CD302: variants seen among roughly 807,000 people sequenced by gnomAD.
CD302 encodes CD302 antigen.
Under a neutral mutation model 26.5 loss-of-function variants are expected in CD302, and 23 were observed. That is an observed-to-expected ratio of 0.87 (90% CI 0.62 to 1.23). The LOEUF (loss-of-function observed/expected upper bound fraction) is 1.23. Ranked by LOEUF, CD302 falls within the 50% of genes most tolerant of loss-of-function variation. The pLI is 0.00. For synonymous variants in CD302, 90 were observed against 99.4 expected (o/e 0.91, Z 0.56); for missense variants, 290 against 275.5 (o/e 1.05, Z -0.37).
rs1338380687 is a variant in CD302 at position 159,769,689 on chromosome 2, TTGAAAAA to T, written c.*2155_*2161del. 4 of 152,110 alleles carry T rather than the reference TTGAAAAA, an allele frequency of 2.6e-5. No individual in the cohort carries two copies. Among genetic ancestry groups the T allele is most frequent in the African/African-American group, 9.7e-5 (4 of 41,412 alleles). The allele number at this position is 152,110 out of a possible 1,614,324, so 9.4% of individuals were successfully genotyped here. A position where few individuals can be genotyped will look rare whatever the true frequency, so the allele number is the denominator to read the frequency against. ...TCATTACCAGAGGCCTCTTGGCCTG[TTGAAAAA>T]TGAAACCAAATATTGAAAATTAAAT... On this transcript the variant is annotated 3_prime_UTR_variant, in exon 6 of 6. Transcript: ENST00000259053.
intron 1 of CD302, among the ~76,000 whole-genome samples, chr2:159,795,010 G>A (rs2125817722): frequency 6.6e-6 from 1 of 151,500 alleles, no homozygotes; most frequent in Middle Eastern, 3.4e-3. Flanking sequence ...AGATCACGAG[G>A]CCAGGAGTTT....
intron 1 of CD302, among the ~76,000 whole-genome samples, chr2:159,796,938 G>A (rs531435549): frequency 6.6e-6 from 1 of 152,316 alleles, no homozygotes; most frequent in Non-Finnish European, 1.5e-5. Flanking sequence ...GTGTGCAGAA[G>A]GAGGGTTCAG....
intron 1 of CD302, among the ~76,000 whole-genome samples, chr2:159,795,141 T>G (rs1310541931): frequency 6.6e-6 from 1 of 151,488 alleles, no homozygotes; most frequent in Non-Finnish European, 1.5e-5. Flanking sequence ...GAGAATTGCT[T>G]GAACCCAGAA....
At chr2:159,772,678 G>A (rs888737952) in intron 5 of CD302, among the ~76,000 whole-genome samples, 2 of 152,112 alleles carry the variant, frequency 1.3e-5, no homozygotes, top group African/African-American at 4.8e-5. Context: ...ATACTTTTGG[G>A]CAGGTACTTG....
At chr2:159,780,340 A>C (rs1708470148) in intron 3 of CD302, among the ~76,000 whole-genome samples, 162 bp from the exon 4 acceptor site, 1 of 152,232 alleles carries the variant, frequency 6.6e-6, no homozygotes, top group South Asian at 2.1e-4. Flanking sequence ...TGTACAGCCA[A>C]ATCATCAAAA....
At chr2:159,796,075 C>A (rs77399435) in intron 1 of CD302, among the ~76,000 whole-genome samples, 1 of 152,334 alleles carries the variant, frequency 6.6e-6, no homozygotes, top group East Asian at 1.9e-4. Context: ...AGGTTAAGAT[C>A]ACTTCACTAA....
At chr2:159,781,131 A>C (rs1309102532) in intron 2 of CD302, 133 bp from the exon 3 acceptor site, 1 of 696,070 alleles carries the variant, frequency 1.4e-6, no homozygotes, top group African/African-American at 1.8e-5. Context: ...TTGATCTTAC[A>C]GTTCATACAA....
At position 159,771,674 on chromosome 2, in the gene CD302, C is replaced by A; in HGVS notation, c.*177G>T. 1.4e-6 allele frequency: 1 copy of A among 705,406 alleles called. No individual in the cohort carries two copies. 43.7% of individuals were successfully genotyped at this position (705,406 alleles called of 1,614,324 possible). On this transcript the variant is annotated 3_prime_UTR_variant, in exon 6 of 6. Coordinates refer to ENST00000259053, the MANE Select transcript of CD302 (RefSeq NM_014880.5). ...TTAGATCTAAGATCATTTCTAAAAC[C>A]TGTTTTTTTAATGAACCTAAAGACT...
At chr2:159,781,044 A>T in intron 2 of CD302, 46 bp from the exon 3 acceptor site, 1 of 1,482,254 alleles carries the variant, frequency 6.7e-7, no homozygotes. Flanking sequence ...TTCCAGAATC[A>T]GTGAAAATCA....
chr2:159,776,002 C>T (rs1273099363), intron 5 of CD302, among the ~76,000 whole-genome samples: 3 of 36,050 alleles, frequency 8.3e-5, no homozygotes, highest in East Asian at 1.4e-3. Context: ...CCTCTGCCTC[C>T]GGGTTTCAAC....
chr2:159,791,881 G>C (rs1708816417), intron 1 of CD302, among the ~76,000 whole-genome samples: 1 of 152,158 alleles, frequency 6.6e-6, no homozygotes, highest in Admixed American at 6.5e-5. Context: ...TGCCCTCCTG[G>C]AAATTTATGT....
Position 159,770,440 on chromosome 2 carries a change from C to G in CD302, c.*1411G>C, listed in dbSNP as rs1266758243. On this transcript the variant is annotated 3_prime_UTR_variant, in exon 6 of 6. Transcript: ENST00000259053. ...TTAATTGTGATGAGTGTTTTCGATT[C>G]ATGTGGTCAATAAAAAGAGACTACA... The G allele has an allele frequency of 6.6e-6, 1 of 152,002 alleles. No homozygotes were observed. The highest frequency in any genetic ancestry group is 2.4e-5 in the African/African-American group (1 of 41,346). 9.4% of individuals were successfully genotyped at this position (152,002 alleles called of 1,614,324 possible). A position where few individuals can be genotyped will look rare whatever the true frequency, so the allele number is the denominator to read the frequency against.
At chr2:159,775,294 CATAT>C (rs922064139) in intron 5 of CD302, among the ~76,000 whole-genome samples, 2 of 152,346 alleles carry the variant, frequency 1.3e-5, no homozygotes, top group African/African-American at 4.8e-5. Context: ...TTTACATGCA[CATAT>C]ATACATGCAT....
chr2:159,771,862 G>T lies in CD302; in HGVS notation c.688C>A (p.Gln230Lys), dbSNP rs780509519. 1 of 1,613,700 alleles carries T rather than the reference G, an allele frequency of 6.2e-7. No homozygotes were observed. Among genetic ancestry groups the T allele is most frequent in the Non-Finnish European group, 8.5e-7 (1 of 1,179,774 alleles). The change falls in exon 6 of 6, where the codon CAA becomes AAA. Residue 230 changes from glutamine to lysine, a missense_variant. Physicochemically the swap from Gln to Lys is moderately conservative, Grantham distance 53. Coordinates refer to ENST00000259053, the MANE Select transcript of CD302 (RefSeq NM_014880.5). ...VVGEENEYPV[Q>K]FD The stretch of plus-strand genomic sequence containing the variant: ...AGATTACCAAAAACTTAGTCAAATT[G>T]AACAGGATATTCATTTTCTTCTCCA...
At chr2:159,792,452 GTGTGTGTGTGTGTGTC>G (rs1364170852) in intron 1 of CD302, among the ~76,000 whole-genome samples, 1 of 111,812 alleles carries the variant, frequency 8.9e-6, no homozygotes, top group Non-Finnish European at 2.2e-5. Context: ...GTGTGTGTGT[GTGTGTGTGTGTGTGTC>G]TGAAAAGATA....
At position 159,769,009 on chromosome 2, in the gene CD302, C is replaced by T. The variant is rs1708045705; in HGVS notation, c.*2842G>A. The T allele has an allele frequency of 6.6e-6, 1 of 152,076 alleles. No homozygotes were observed. 9.4% of individuals were successfully genotyped at this position (152,076 alleles called of 1,614,324 possible). ...CAGTATTCTTGTAGTTCCCTAGTAC[C>T]ACTTAGTATTTAAATATTGTCATAT... On this transcript the variant is annotated 3_prime_UTR_variant, in exon 6 of 6. Coordinates refer to ENST00000259053, the MANE Select transcript of CD302 (RefSeq NM_014880.5).
intron 2 of CD302, among the ~76,000 whole-genome samples, chr2:159,782,517 G>A (rs1356889654): frequency 1.3e-5 from 2 of 150,428 alleles, no homozygotes; most frequent in Non-Finnish European, 3.0e-5. Context: ...AGGATCACTT[G>A]AGGCCAAGAG....
Position 159,783,468 on chromosome 2 carries a change from G to A in CD302, c.69C>T (p.Asp23=), listed in dbSNP as rs759864860. The part of the protein sequence containing the change: ...LLGLAAAAVA[D]CPSSTWIQFQ... The stretch of plus-strand genomic sequence containing the variant: ...ACTGAATCCAAGTAGATGAAGGACA[G>A]TCTATGTAGAAAAAAGAAGAACACT... Residue 23 remains aspartate (D), a splice_region_variant and synonymous_variant, in exon 2 of 6, where the codon GAC becomes GAT. Transcript: ENST00000259053. The A allele has an allele frequency of 6.3e-7, 1 of 1,583,642 alleles. No homozygotes were observed. Among genetic ancestry groups the A allele is most frequent in the Non-Finnish European group, 8.5e-7 (1 of 1,170,796 alleles).
At chr2:159,785,839 C>G (rs1708650662) in intron 1 of CD302, among the ~76,000 whole-genome samples, 1 of 152,184 alleles carries the variant, frequency 6.6e-6, no homozygotes, top group African/African-American at 2.4e-5. Context: ...TTGCATGTAA[C>G]CACACACCAT....
Sources: gnomAD v4.1 joint callset for allele counts (sites outside exome capture counted in the v4.1 genomes callset) on GRCh38, gnomAD v4.1.1 for gene constraint, MANE v1.5 for transcripts, NCBI Gene and HGNC (gene_info 2026-07-23, HGNC 2026-07-21) for gene names.